Variants in FILIP1L observed in about 807,000 individuals in gnomAD.
The protein encoded by FILIP1L is filamin A interacting protein 1 like.
A neutral mutation model predicts 96.6 loss-of-function variants in FILIP1L; 55 were observed. The observed-to-expected ratio is 0.57, with a 90% confidence interval of 0.46 to 0.71. The LOEUF (loss-of-function observed/expected upper bound fraction) is 0.71. Among genes scored for constraint, FILIP1L ranks in the 30% least tolerant of loss-of-function variants. FILIP1L has a pLI of 0.00. For missense variants in FILIP1L, 1,304 were observed against 1,321.2 expected (o/e 0.99, Z 0.20); for synonymous variants, 467 against 473.9 (o/e 0.99, Z 0.19).
At chr3:99,871,818 G>T (rs1207096274) in intron 4 of FILIP1L, among the ~76,000 whole-genome samples, 1 of 152,152 alleles carries the variant, frequency 6.6e-6, no homozygotes, top group African/African-American at 2.4e-5. Context: ...TAGAGAGTGG[G>T]ATTTGCCAGC....
chr3:99,949,535 AAAG>A (rs1296450272), intron 1 of FILIP1L, among the ~76,000 whole-genome samples: 1 of 152,188 alleles, frequency 6.6e-6, no homozygotes, highest in East Asian at 1.9e-4. Context: ...TTATCAGTTG[AAAG>A]AAGGAAAAAC....
chr3:99,922,876 T>C (rs1707168026), intron 4 of FILIP1L, among the ~76,000 whole-genome samples: 1 of 152,212 alleles, frequency 6.6e-6, no homozygotes, highest in African/African-American at 2.4e-5. Context: ...TTATTTCTTA[T>C]TTTGTTTTTT....
chr3:100,079,651 A>G (rs749611392), intron 1 of FILIP1L, among the ~76,000 whole-genome samples: 6 of 152,174 alleles, frequency 3.9e-5, no homozygotes, highest in African/African-American at 7.2e-5. Flanking sequence ...CTGATTTTCA[A>G]TTCATTGTGA....
In FILIP1L at chr3:99,961,558, C is replaced by A. The variant is rs139059196; in HGVS notation, c.-10-30528G>T. ...CAGTGACGTGCAGCTGAATACTGGT[C>A]AAAGTATCCCATGTTTTACATTTTA... On this transcript the variant is annotated intron_variant, in intron 1 of 5. Transcript: ENST00000477258. 6.7e-3 allele frequency among the ~76,000 whole-genome samples: 1,023 copies of A among 152,216 alleles called. 3 individuals carry two copies. Among genetic ancestry groups the A allele is most frequent in the African/African-American group, 8.5e-3 (354 of 41,540 alleles).
At chr3:99,997,844 TGCTC>T (rs1026237065) in intron 1 of FILIP1L, among the ~76,000 whole-genome samples, 3 of 152,248 alleles carry the variant, frequency 2.0e-5, no homozygotes, top group Admixed American at 1.3e-4. Context: ...ACATAAGTCA[TGCTC>T]TTATTACACA....
At chr3:99,862,448 G>A (rs1421027653) in intron 4 of FILIP1L, among the ~76,000 whole-genome samples, 1 of 152,156 alleles carries the variant, frequency 6.6e-6, no homozygotes, top group African/African-American at 2.4e-5. Flanking sequence ...CACATGGTTA[G>A]TCATAATGAT....
At chr3:100,063,437 A>G (rs1466921294) in intron 1 of FILIP1L, among the ~76,000 whole-genome samples, 1 of 152,152 alleles carries the variant, frequency 6.6e-6, no homozygotes, top group Non-Finnish European at 1.5e-5. Context: ...TTATCTGAAT[A>G]GCTTTTTACT....
chr3:99,945,074 A>C (rs1011908007), intron 1 of FILIP1L, among the ~76,000 whole-genome samples: 2 of 152,310 alleles, frequency 1.3e-5, no homozygotes, highest in South Asian at 4.1e-4. Context: ...ATCAAAAAGC[A>C]TCAAGGAAAA....
intron 1 of FILIP1L, among the ~76,000 whole-genome samples, chr3:99,942,512 C>T (rs1214121881): frequency 6.6e-6 from 1 of 152,184 alleles, no homozygotes; most frequent in Non-Finnish European, 1.5e-5. Context: ...GCACTAGGCA[C>T]ATATTGGATA....
intron 1 of FILIP1L, among the ~76,000 whole-genome samples, chr3:100,087,487 G>T (rs1354947855): frequency 6.6e-6 from 1 of 152,094 alleles, no homozygotes; most frequent in Non-Finnish European, 1.5e-5. Context: ...AATGACTAAT[G>T]GTGTTGAGCA....
At chr3:100,060,448 G>A (rs192174477) in intron 1 of FILIP1L, among the ~76,000 whole-genome samples, 54 of 151,654 alleles carry the variant, frequency 3.6e-4, no homozygotes, top group African/African-American at 1.2e-3. Context: ...TGCCCTAAAC[G>A]AAAACAAGAA....
intron 4 of FILIP1L, among the ~76,000 whole-genome samples, chr3:99,858,776 C>A (rs1944099520): frequency 6.6e-6 from 1 of 152,216 alleles, no homozygotes; most frequent in Admixed American, 6.5e-5. Context: ...ATCTTCTTCA[C>A]TCTCAAAGGG....
At chr3:99,833,719 C>T (rs1170849315) in intron 5 of FILIP1L, among the ~76,000 whole-genome samples, 1 of 152,216 alleles carries the variant, frequency 6.6e-6, no homozygotes, top group Non-Finnish European at 1.5e-5. Context: ...CTGCATCACA[C>T]CTTAGCTCTA....
chr3:99,969,664 T>C (rs1708757329), intron 1 of FILIP1L, among the ~76,000 whole-genome samples: 1 of 152,106 alleles, frequency 6.6e-6, no homozygotes, highest in South Asian at 2.1e-4. Context: ...ACGGGGAGCC[T>C]GGAAGGATCA....
chr3:100,020,429 A>G (rs886480198), intron 1 of FILIP1L, among the ~76,000 whole-genome samples: 7 of 152,208 alleles, frequency 4.6e-5, no homozygotes, highest in African/African-American at 1.7e-4. Flanking sequence ...TAGTCACTGA[A>G]CTTCCAAAAG....
intron 1 of FILIP1L, among the ~76,000 whole-genome samples, chr3:100,029,211 A>G (rs2064981343): frequency 6.6e-6 from 1 of 151,910 alleles, no homozygotes. Context: ...TATTTGTCTA[A>G]AAAGAATTAT....
In FILIP1L at chr3:99,873,431, C is replaced by G. The variant is rs188624966; in HGVS notation, c.606-22361G>C. On this transcript the variant is annotated intron_variant, in intron 4 of 5. Transcript: ENST00000477258. ...GGTTGAGACCAATATTGCCTTACAT[C>G]CACAATATCCAGTCTTTTATAAACA... Among the ~76,000 whole-genome samples the G allele has an allele frequency of 2.0e-5, 3 of 152,296 alleles. No homozygotes were observed. The East Asian group carries it at 5.8e-4, about 29-fold the overall frequency.
rs1314457255 is a variant in FILIP1L, at chr3:99,930,005, A to C, written c.277T>G (p.Leu93Val). Reference protein sequence around the residue: ...LQARDEVIGILKAEKMDLALL... With the variant: ...LQARDEVIGIVKAEKMDLALL... ...GCCAGGTCCATTTTTTCAGCCTTTA[A>C]AATGCCTATGACCTCATCTCGAGCC... The change falls in exon 3 of 6, where the codon TTA (leucine) becomes GTA (valine). Residue 93 changes from leucine to valine, a missense_variant. By Grantham distance (32) the Leu-to-Val change is conservative (BLOSUM62 1). Transcript: ENST00000477258. 6.2e-7 allele frequency: 1 copy of C among 1,613,426 alleles called. No individual in the cohort carries two copies.
Position 99,850,068 on chromosome 3 carries a change from A to G in FILIP1L, c.1608T>C (p.Thr536=). Residue 536 remains threonine, a synonymous_variant, in exon 5 of 6, where the codon ACT becomes ACC. Coordinates refer to ENST00000477258, the MANE Select transcript of FILIP1L (RefSeq NM_001387850.1). ...QVEQNKVTTV[T]EKLIEETKRA... ...TTTTAGTTTCCTCAATTAACTTCTCAGTAACTGTTGTTACTTTATTTTGCT... is the reference window on the plus strand; with the variant it reads ...TTTTAGTTTCCTCAATTAACTTCTCGGTAACTGTTGTTACTTTATTTTGCT... The G allele has an allele frequency of 6.2e-7, 1 of 1,612,514 alleles. No homozygotes were observed. Among genetic ancestry groups the G allele is most frequent in the Non-Finnish European group, 8.5e-7 (1 of 1,179,648 alleles).
Sources: gnomAD v4.1 joint callset for allele counts (sites outside exome capture counted in the v4.1 genomes callset) on GRCh38, gnomAD v4.1.1 for gene constraint, MANE v1.5 for transcripts, NCBI Gene and HGNC (gene_info 2026-07-23, HGNC 2026-07-21) for gene names.